Variants in ERC1 observed in about 807,000 individuals in gnomAD.
ERC1 encodes the protein RAB6 interacting protein 2.
ERC1 carries 56 observed loss-of-function variants against 132.0 expected under a neutral mutation model. That is an observed-to-expected ratio of 0.42 (90% CI 0.34 to 0.53). The LOEUF (loss-of-function observed/expected upper bound fraction) is 0.53, where lower values mean the gene tolerates loss of function less well. Among genes scored for constraint, ERC1 ranks in the 20% least tolerant of loss-of-function variants. The probability of loss-of-function intolerance (pLI) is 0.03; values close to 1 mark genes in which losing one functional copy is unlikely to be tolerated. For missense variants in ERC1, 1,202 were observed against 1,349.9 expected (o/e 0.89, Z 1.72); for synonymous variants, 478 against 476.1 (o/e 1.00, Z -0.05).
intron 12 of ERC1, among the ~76,000 whole-genome samples, chr12:1,228,968 T>G (rs2074818581): frequency 6.6e-6 from 1 of 152,226 alleles, no homozygotes; most frequent in Admixed American, 6.5e-5. Flanking sequence ...GACCTGTAAT[T>G]TTCTTTTCTT....
chr12:1,077,683 G>C (rs1268732564), intron 2 of ERC1, among the ~76,000 whole-genome samples: 1 of 152,182 alleles, frequency 6.6e-6, no homozygotes, highest in Non-Finnish European at 1.5e-5. Context: ...TTCCCAAATA[G>C]ACATTCTAGT....
intron 2 of ERC1, among the ~76,000 whole-genome samples, chr12:1,065,076 C>G (rs1041973606): frequency 2.6e-5 from 4 of 152,100 alleles, no homozygotes; most frequent in Non-Finnish European, 5.9e-5. Flanking sequence ...TCTTGGCTTA[C>G]TGCAACCTCC....
intron 15 of ERC1, among the ~76,000 whole-genome samples, chr12:1,321,216 T>C (rs1223492997): frequency 6.6e-6 from 1 of 152,224 alleles, no homozygotes; most frequent in African/African-American, 2.4e-5. Flanking sequence ...TGAGCCTCAG[T>C]TTCCACATGT....
intron 15 of ERC1, among the ~76,000 whole-genome samples, chr12:1,345,180 A>ATTT (rs2084321871): frequency 9.2e-6 from 1 of 108,272 alleles, no homozygotes; most frequent in African/African-American, 4.0e-5. Context: ...TCAGTAGAAT[A>ATTT]TTTCTTCTTT....
chr12:1,083,723 GA>G (rs1942563962), intron 3 of ERC1, 143 bp downstream of exon 3: 1 of 664,312 alleles, frequency 1.5e-6, no homozygotes, highest in Non-Finnish European at 2.5e-6. Context: ...GTGCGTCACT[GA>G]TTTCTGTTCT....
intron 18 of ERC1, among the ~76,000 whole-genome samples, chr12:1,477,255 G>A (rs1002995208): frequency 2.6e-5 from 4 of 152,066 alleles, no homozygotes; most frequent in Non-Finnish European, 5.9e-5. Context: ...GAAAGAAAGT[G>A]GATTAAATGT....
chr12:1,109,326 AG>A, intron 4 of ERC1, among the ~76,000 whole-genome samples: 1 of 152,254 alleles, frequency 6.6e-6, no homozygotes, highest in Admixed American at 6.5e-5. Context: ...ACAGACAATA[AG>A]GATTGCTAAC....
At chr12:1,288,605 C>G (rs1421064956) in intron 14 of ERC1, among the ~76,000 whole-genome samples, 1 of 152,160 alleles carries the variant, frequency 6.6e-6, no homozygotes, top group African/African-American at 2.4e-5. Flanking sequence ...CACTAATTTC[C>G]AAGGGTCAGT....
intron 2 of ERC1, among the ~76,000 whole-genome samples, chr12:1,044,122 A>G (rs1970716057): frequency 6.6e-6 from 1 of 152,192 alleles, no homozygotes; most frequent in South Asian, 2.1e-4. Context: ...TCATAGATGG[A>G]ACACTGAATC....
chr12:1,425,546 A>G lies in ERC1; in HGVS notation c.3024+17299A>G, dbSNP rs78944196. ...GAACAGAGGAGGAACTGGTTACAGT[A>G]ATCATCATTCCCCTGTGAACAAAGG... On this transcript the variant is annotated intron_variant, in intron 17 of 18. Coordinates refer to ENST00000360905, the MANE Select transcript of ERC1 (RefSeq NM_178040.4). 1.8e-3 allele frequency among the ~76,000 whole-genome samples: 274 copies of G among 152,304 alleles called. 2 individuals carry two copies. The East Asian group carries it at 0.042, about 23-fold the overall frequency.
chr12:1,072,672 CCTTT>C (rs1940618396), intron 2 of ERC1, among the ~76,000 whole-genome samples: 1 of 151,966 alleles, frequency 6.6e-6, no homozygotes, highest in Non-Finnish European at 1.5e-5. Context: ...ATTTCCAAGT[CCTTT>C]CTGTGTTTTA....
intron 15 of ERC1, among the ~76,000 whole-genome samples, chr12:1,360,904 C>G (rs770994806): frequency 7.2e-5 from 11 of 151,790 alleles, no homozygotes; most frequent in Non-Finnish European, 1.6e-4. Context: ...TGGTGAAACC[C>G]CCTCTCTAAT....
At chr12:1,028,723 G>T in intron 2 of ERC1, 151 bp downstream of exon 2, 1 of 716,170 alleles carries the variant, frequency 1.4e-6, no homozygotes, top group Non-Finnish European at 2.2e-6. Flanking sequence ...CCATTTCTCA[G>T]CCCTTTCCAA....
intron 11 of ERC1, among the ~76,000 whole-genome samples, chr12:1,187,910 A>G (rs1228101138): frequency 1.3e-5 from 2 of 152,170 alleles, no homozygotes; most frequent in African/African-American, 2.4e-5. Flanking sequence ...AGCTTATATC[A>G]AGGAGAACTA....
intron 1 of ERC1, among the ~76,000 whole-genome samples, chr12:1,001,941 A>G (rs552766846): frequency 1.4e-4 from 21 of 148,312 alleles, no homozygotes; most frequent in Admixed American, 8.8e-4. Context: ...GCTTACTGCA[A>G]CCACCGTCTC....
intron 18 of ERC1, among the ~76,000 whole-genome samples, chr12:1,484,134 T>TGC (rs2094154910): frequency 6.6e-6 from 1 of 151,158 alleles, no homozygotes; most frequent in Non-Finnish European, 1.5e-5. Context: ...TGAAACCCCA[T>TGC]CTCTACTAAA....
intron 7 of ERC1, among the ~76,000 whole-genome samples, chr12:1,129,614 C>A (rs1948560100): frequency 6.6e-6 from 1 of 152,136 alleles, no homozygotes; most frequent in Non-Finnish European, 1.5e-5. Flanking sequence ...TCAGTTGCCA[C>A]AACAGTAGTG....
chr12:1,456,235 A>G (rs1397398199), intron 18 of ERC1, among the ~76,000 whole-genome samples: 2 of 152,248 alleles, frequency 1.3e-5, no homozygotes, highest in African/African-American at 2.4e-5. Context: ...AATTTTATGT[A>G]TCGTGATTTT....
intron 3 of ERC1, among the ~76,000 whole-genome samples, chr12:1,099,533 C>T (rs564667874): frequency 6.6e-6 from 1 of 152,292 alleles, no homozygotes; most frequent in South Asian, 2.1e-4. Flanking sequence ...TACTCTCTTA[C>T]AGTATTGTGG....
Sources: allele counts gnomAD v4.1 joint callset (sites outside exome capture counted in the v4.1 genomes callset), GRCh38; gene constraint gnomAD v4.1.1; transcripts MANE v1.5; gene names NCBI Gene and HGNC (gene_info 2026-07-23, HGNC 2026-07-21).